TRMT6: variants seen among roughly 807,000 people sequenced by gnomAD.
TRMT6 encodes the protein tRNA (adenine(58)-N(1))-methyltransferase non-catalytic subunit TRM6.
A neutral mutation model predicts 59.0 loss-of-function variants in TRMT6; 34 were observed. That is an observed-to-expected ratio of 0.58 (90% confidence interval 0.44 to 0.77). TRMT6 has a LOEUF of 0.77. Ranked by LOEUF, TRMT6 falls within the 30% of genes least tolerant of loss-of-function variation. TRMT6 has a pLI of 0.00. For synonymous variants in TRMT6, 217 were observed against 210.5 expected, an observed-to-expected ratio of 1.03 and a Z score of -0.27; for missense variants, 575 against 604.5, an observed-to-expected ratio of 0.95 and a Z score of 0.51.
In TRMT6 at chr20:5,950,506, T is replaced by A; in HGVS notation, c.-101A>T. The A allele has an allele frequency of 2.2e-6, 3 of 1,350,166 alleles. No individual in the cohort carries two copies. Among genetic ancestry groups the A allele is most frequent in the Non-Finnish European group, 2.9e-6 (3 of 1,021,938 alleles). The allele number at this position is 1,350,166 out of a possible 1,614,324, so 83.6% of individuals were successfully genotyped here. On this transcript the variant is annotated 5_prime_UTR_variant, in exon 1 of 11. Coordinates refer to ENST00000203001, the MANE Select transcript of TRMT6 (RefSeq NM_015939.5). ...CCACAACCTGGCGCACTAGGAGCCCTCCGACCGGCACCGCCCCCACGTGTT... is the reference window on the plus strand; with the variant it reads ...CCACAACCTGGCGCACTAGGAGCCCACCGACCGGCACCGCCCCCACGTGTT...
intron 6 of TRMT6, 43 bp downstream of exon 6, chr20:5,943,516 A>T: frequency 1.9e-6 from 3 of 1,611,544 alleles, no homozygotes; most frequent in South Asian, 1.1e-5. Context: ...CTTTACTCAC[A>T]TCAGGGTGGG....
At chr20:5,950,018 G>A (rs1310999371) in intron 1 of TRMT6, among the ~76,000 whole-genome samples, 1 of 152,148 alleles carries the variant, frequency 6.6e-6, no homozygotes, top group East Asian at 1.9e-4. Context: ...GATGCTGAAG[G>A]TGGACGGCCA....
rs778063573 is a variant in TRMT6, at chr20:5,942,553, C to G, written c.901G>C (p.Glu301Gln). ...GCCTCTGCCATGCTGTCTTCATTCT[C>G]TTGTTCAGAAGCCTGTTTTTCCTCC... ...TLEEKQASEQ[E>Q]NEDSMAEAPE... The change falls in exon 7 of 11, where the codon GAG (glutamate) becomes CAG (glutamine). Residue 301 changes from glutamate to glutamine, a missense_variant. Glu to Gln is a conservative substitution (Grantham distance 29). Transcript: ENST00000203001. The G allele has an allele frequency of 5.0e-6, 8 of 1,614,006 alleles. No homozygotes were observed. The highest frequency in any genetic ancestry group is 1.7e-6 in the Non-Finnish European group (2 of 1,180,036).
At position 5,938,515 on chromosome 20, in the gene TRMT6, C is replaced by T; in HGVS notation, c.*20G>A. ...CTGTATAATGCCTGAGAACAAAATT[C>T]AGAGCAATTCTCAAAAGGGTTAAGA... On this transcript the variant is annotated 3_prime_UTR_variant, in exon 11 of 11. Transcript: ENST00000203001. 1.9e-6 allele frequency: 3 copies of T among 1,600,310 alleles called. No homozygotes were observed. Among genetic ancestry groups the T allele is most frequent in the Non-Finnish European group, 2.6e-6 (3 of 1,172,484 alleles).
chr20:5,947,042 G>C (rs2088713663), intron 1 of TRMT6, among the ~76,000 whole-genome samples: 1 of 152,182 alleles, frequency 6.6e-6, no homozygotes, highest in South Asian at 2.1e-4. Context: ...GTGCCAACCA[G>C]GGGCTAGGCA....
At chr20:5,943,515 C>G in intron 6 of TRMT6, 44 bp downstream of exon 6, 1 of 1,611,064 alleles carries the variant, frequency 6.2e-7, no homozygotes, top group Non-Finnish European at 8.5e-7. Flanking sequence ...CCTTTACTCA[C>G]ATCAGGGTGG....
chr20:5,947,377 C>T (rs1012553712), intron 1 of TRMT6, among the ~76,000 whole-genome samples: 2 of 152,236 alleles, frequency 1.3e-5, no homozygotes, highest in African/African-American at 4.8e-5. Context: ...CCCCATCCCA[C>T]TCCTTCTCTT....
chr20:5,949,354 C>T (rs1472488145), intron 1 of TRMT6, among the ~76,000 whole-genome samples: 2 of 152,164 alleles, frequency 1.3e-5, no homozygotes, highest in African/African-American at 4.8e-5. Context: ...AAGCAAGACT[C>T]CGTCTCAAAA....
intron 10 of TRMT6, 26 bp from the exon 11 acceptor site, chr20:5,938,752 T>A: frequency 6.2e-7 from 1 of 1,606,452 alleles, no homozygotes; most frequent in Non-Finnish European, 8.5e-7. Flanking sequence ...AAGACATTCA[T>A]GCTTTCCTAA....
intron 2 of TRMT6, among the ~76,000 whole-genome samples, chr20:5,945,745 TTAA>T (rs1406373643): frequency 6.6e-6 from 1 of 152,250 alleles, no homozygotes; most frequent in Non-Finnish European, 1.5e-5. Context: ...TGTGTTTTAA[TTAA>T]TAAGATACTC....
chr20:5,946,374 G>A lies in TRMT6; in HGVS notation c.256+32C>T, dbSNP rs1192977424. On this transcript the variant is annotated intron_variant, in intron 2 of 10. Transcript: ENST00000203001. ...AGATGTTTCTGACTAGTCAGTTGGA[G>A]AGCATCTATTTCACGCATCCAAAAT... 3 of 1,613,884 alleles carry A rather than the reference G, an allele frequency of 1.9e-6. No individual in the cohort carries two copies. In the East Asian group the frequency reaches 6.7e-5, roughly 36 times the overall value.
chr20:5,943,452 T>G, intron 6 of TRMT6, 107 bp downstream of exon 6: 2 of 1,457,302 alleles, frequency 1.4e-6, no homozygotes, highest in Non-Finnish European at 1.9e-6. Context: ...AGTCACTTTG[T>G]TAACCCTGAA....
At chr20:5,949,660 T>C (rs183501378) in intron 1 of TRMT6, among the ~76,000 whole-genome samples, 5 of 152,328 alleles carry the variant, frequency 3.3e-5, no homozygotes, top group East Asian at 1.9e-4. Context: ...CTGTGGTGAA[T>C]TGTCTCCTTC....
Position 5,950,418 on chromosome 20 carries a change from G to C in TRMT6, c.-13C>G. On this transcript the variant is annotated 5_prime_UTR_variant, in exon 1 of 11. Coordinates refer to ENST00000203001, the MANE Select transcript of TRMT6 (RefSeq NM_015939.5). ...CTGAGCCCTCCATGACGCTCAGCCG[G>C]TCGCCGTGCTCCACGGCGTCCCGCC... The C allele has an allele frequency of 6.4e-7, 1 of 1,568,060 alleles. No homozygotes were observed. Among genetic ancestry groups the C allele is most frequent in the Non-Finnish European group, 8.6e-7 (1 of 1,160,648 alleles).
chr20:5,938,728 T>TAATGAA lies in TRMT6; in HGVS notation c.1303-3_1303-2insTTCATT, dbSNP rs752730010. ...AGGATGACTTCGATCTGGCAAAACC[T>TAATGAA]AATCAAGACAGAAAAGACATTCATG... On this transcript the variant is annotated splice_polypyrimidine_tract_variant and splice_region_variant and intron_variant, in intron 10 of 10. Coordinates refer to ENST00000203001, the MANE Select transcript of TRMT6 (RefSeq NM_015939.5). 6.2e-7 allele frequency: 1 copy of TAATGAA among 1,613,108 alleles called. No homozygotes were observed. The highest frequency in any genetic ancestry group is 1.7e-5 in the Admixed American group (1 of 59,798).
chr20:5,946,276 C>T, intron 2 of TRMT6, 130 bp downstream of exon 2: 2 of 1,127,336 alleles, frequency 1.8e-6, no homozygotes, highest in Non-Finnish European at 1.3e-6. Flanking sequence ...CACTGAGCTG[C>T]AGTTCTTAGA....
chr20:5,941,099 C>G lies in TRMT6; in HGVS notation c.1256G>C (p.Gly419Ala). The change falls in exon 10 of 11, where the codon GGG becomes GCG. Residue 419 changes from glycine to alanine, a missense_variant. Gly to Ala is a moderately conservative substitution (Grantham distance 60, BLOSUM62 0). Transcript: ENST00000203001. ...ECYTKLRERG[G>A]VINLRLSETW... is the part of the protein sequence containing the mutation. ...TTCAGACAGCCTGAGGTTGATGACCCCTCCCCTCTCCCGCAGTTTTGTGTA... is the reference window on the plus strand; with the variant it reads ...TTCAGACAGCCTGAGGTTGATGACCGCTCCCCTCTCCCGCAGTTTTGTGTA... The G allele has an allele frequency of 1.2e-6, 2 of 1,614,102 alleles. No individual in the cohort carries two copies. The highest frequency in any genetic ancestry group is 1.7e-6 in the Non-Finnish European group (2 of 1,180,004).
At position 5,937,830 on chromosome 20, in the gene TRMT6, A is replaced by T. The variant is rs2088620797; in HGVS notation, c.*705T>A. 1 of 152,224 alleles carries T rather than the reference A, an allele frequency of 6.6e-6. No homozygotes were observed. The allele number at this position is 152,224 out of a possible 1,614,324, so 9.4% of individuals were successfully genotyped here. On this transcript the variant is annotated 3_prime_UTR_variant, in exon 11 of 11. Coordinates refer to ENST00000203001, the MANE Select transcript of TRMT6 (RefSeq NM_015939.5). Reference sequence around the variant, plus strand: ...CAAATGTGTATCCATAAGACCATAGAGGGGGAAAAGACATTTGTTTCCTTT... The same window carrying T: ...CAAATGTGTATCCATAAGACCATAGTGGGGGAAAAGACATTTGTTTCCTTT...
intron 2 of TRMT6, among the ~76,000 whole-genome samples, chr20:5,945,332 A>G (rs2088696813): frequency 6.6e-6 from 1 of 152,170 alleles, no homozygotes; most frequent in Non-Finnish European, 1.5e-5. Flanking sequence ...CCTTGAACAC[A>G]CCCAGCAAGG....
Sources: gnomAD v4.1 joint callset for allele counts (sites outside exome capture counted in the v4.1 genomes callset) on GRCh38, gnomAD v4.1.1 for gene constraint, MANE v1.5 for transcripts, NCBI Gene and HGNC (gene_info 2026-07-23, HGNC 2026-07-21) for gene names.